Variants in ZBTB8A observed in about 807,000 individuals in gnomAD.
The protein encoded by ZBTB8A is zinc finger and BTB domain containing 8A, also known as zinc finger and BTB domain-containing protein 8A.
In ZBTB8A, 19 loss-of-function variants were observed where a neutral mutation model predicts 37.8. That is an observed-to-expected ratio of 0.50 (90% CI 0.35 to 0.74). The LOEUF (loss-of-function observed/expected upper bound fraction) is 0.74. ZBTB8A is among the 30% of genes least tolerant of loss of function. ZBTB8A has a pLI of 0.01. For synonymous variants in ZBTB8A, 181 were observed against 185.2 expected (o/e 0.98, Z 0.19); for missense variants, 394 against 537.8 (o/e 0.73, Z 2.65).
In ZBTB8A at chr1:32,600,464, G is replaced by T; in HGVS notation, c.*45G>T. 1 of 1,392,770 alleles carries T rather than the reference G, an allele frequency of 7.2e-7. No individual in the cohort carries two copies. The highest frequency in any genetic ancestry group is 1.3e-5 in the South Asian group (1 of 78,232). 86.3% of individuals were successfully genotyped at this position (1,392,770 alleles called of 1,614,324 possible). On this transcript the variant is annotated 3_prime_UTR_variant, in exon 5 of 5. Coordinates refer to ENST00000373510, the MANE Select transcript of ZBTB8A (RefSeq NM_001040441.3). ...AGCTGGCATGTCTGCAATTTACATT[G>T]ACTTCCTGTATCTCTCTCTTTCTAT...
At chr1:32,562,952 C>G (rs1644254600) in intron 2 of ZBTB8A, among the ~76,000 whole-genome samples, 1 of 151,974 alleles carries the variant, frequency 6.6e-6, no homozygotes, top group Non-Finnish European at 1.5e-5. Flanking sequence ...AAATGTAAAT[C>G]ATTTATATTA....
intron 1 of ZBTB8A, among the ~76,000 whole-genome samples, chr1:32,546,329 A>C (rs752995897): frequency 6.6e-5 from 10 of 152,112 alleles, no homozygotes; most frequent in Non-Finnish European, 1.5e-4. Flanking sequence ...CTGTAATCCC[A>C]GCTACTCAGG....
intron 1 of ZBTB8A, among the ~76,000 whole-genome samples, chr1:32,548,137 TAAAAAAAAAAAAAA>T (rs770998213): frequency 1.5e-5 from 1 of 65,760 alleles, no homozygotes; most frequent in Non-Finnish European, 2.9e-5. Flanking sequence ...CGTCTCAAAT[TAAAAAAAAAAAAAA>T]AAAAAAAAAA....
intron 2 of ZBTB8A, among the ~76,000 whole-genome samples, chr1:32,590,661 G>C (rs1481152639): frequency 1.3e-5 from 2 of 152,090 alleles, no homozygotes; most frequent in African/African-American, 4.8e-5. Context: ...TTCGTGGCAG[G>C]AAAGTTTTCA....
intron 1 of ZBTB8A, among the ~76,000 whole-genome samples, chr1:32,551,917 T>C (rs2148217451): frequency 6.6e-6 from 1 of 152,070 alleles, no homozygotes; most frequent in East Asian, 1.9e-4. Context: ...TTTCAAGATA[T>C]GTTGAATTTT....
intron 2 of ZBTB8A, among the ~76,000 whole-genome samples, chr1:32,569,477 T>C (rs1337826537): frequency 7.0e-6 from 1 of 143,086 alleles, no homozygotes; most frequent in African/African-American, 2.6e-5. Context: ...CACTGCCAGC[T>C]CTGCCTCCCG....
intron 2 of ZBTB8A, among the ~76,000 whole-genome samples, chr1:32,575,043 G>A (rs1259648594): frequency 6.6e-6 from 1 of 152,124 alleles, no homozygotes; most frequent in South Asian, 2.1e-4. Context: ...TCAAAGTGCT[G>A]GGATTACAGG....
At chr1:32,596,095 C>T (rs1352396989) in intron 4 of ZBTB8A, among the ~76,000 whole-genome samples, 10 of 151,886 alleles carry the variant, frequency 6.6e-5, no homozygotes, top group African/African-American at 1.9e-4. Context: ...GTTGGCTGGG[C>T]GCGGTGGCTC....
In ZBTB8A at chr1:32,604,624, T is replaced by G. The variant is rs1198355614; in HGVS notation, c.*4205T>G. ...AAATGTTTCAATATTATATTTTCAG[T>G]AATGCAATCAAAATAAGCATAGTTA... is the stretch of plus-strand genomic sequence containing the variant. On this transcript the variant is annotated 3_prime_UTR_variant, in exon 5 of 5. Transcript: ENST00000373510. 6.6e-6 allele frequency: 1 copy of G among 152,182 alleles called. No homozygotes were observed. The highest frequency in any genetic ancestry group is 1.5e-5 in the Non-Finnish European group (1 of 68,032). The allele number at this position is 152,182 out of a possible 1,614,324, so 9.4% of individuals were successfully genotyped here.
In ZBTB8A at chr1:32,590,733, T is replaced by C. The variant is rs543195115; in HGVS notation, c.-1-2198T>C. 3.9e-5 allele frequency among the ~76,000 whole-genome samples: 6 copies of C among 152,250 alleles called. No individual in the cohort carries two copies. In the South Asian group the frequency reaches 1.2e-3, roughly 32 times the overall value. Reference sequence around the variant, plus strand: ...CTACCTGGCTAATTCCTGCTCACCTTTGAGGTCTCAGTTTAAATGTTACTT... The same window carrying C: ...CTACCTGGCTAATTCCTGCTCACCTCTGAGGTCTCAGTTTAAATGTTACTT... On this transcript the variant is annotated intron_variant, in intron 2 of 4. Coordinates refer to ENST00000373510, the MANE Select transcript of ZBTB8A (RefSeq NM_001040441.3).
intron 2 of ZBTB8A, among the ~76,000 whole-genome samples, chr1:32,571,550 T>C (rs1644322626): frequency 6.6e-6 from 1 of 152,100 alleles, no homozygotes; most frequent in South Asian, 2.1e-4. Context: ...CTTGGTATTA[T>C]CCTTTCTTAT....
intron 2 of ZBTB8A, among the ~76,000 whole-genome samples, chr1:32,563,280 C>A (rs916478781): frequency 3.3e-5 from 5 of 152,040 alleles, no homozygotes; most frequent in African/African-American, 1.2e-4. Flanking sequence ...CCCTGTAATC[C>A]CAGCAGTTTG....
chr1:32,571,535 C>A (rs1454701371), intron 2 of ZBTB8A, among the ~76,000 whole-genome samples: 2 of 151,880 alleles, frequency 1.3e-5, no homozygotes, highest in Admixed American at 1.3e-4. Flanking sequence ...CAGCGATAAA[C>A]CTCACTTGGT....
intron 2 of ZBTB8A, among the ~76,000 whole-genome samples, chr1:32,590,492 G>C (rs573891075): frequency 6.6e-6 from 1 of 152,158 alleles, no homozygotes. Flanking sequence ...TCAGAGTTTG[G>C]TACTGGTAAG....
chr1:32,546,902 T>TTTTTTG (rs1355006527), intron 1 of ZBTB8A, among the ~76,000 whole-genome samples: 1 of 152,068 alleles, frequency 6.6e-6, no homozygotes, highest in Non-Finnish European at 1.5e-5. Flanking sequence ...CTGGGGGAAG[T>TTTTTTG]TTTTTGTTTT....
chr1:32,562,668 G>A (rs1434249789), intron 2 of ZBTB8A, among the ~76,000 whole-genome samples: 1 of 143,262 alleles, frequency 7.0e-6, no homozygotes, highest in Non-Finnish European at 1.5e-5. Context: ...TCTCCACCTC[G>A]CTGATTCAAG....
chr1:32,565,392 G>A (rs980987937), intron 2 of ZBTB8A, among the ~76,000 whole-genome samples: 3 of 152,180 alleles, frequency 2.0e-5, no homozygotes, highest in African/African-American at 7.2e-5. Flanking sequence ...GGTCATGCCT[G>A]CCCATAATCC....
rs543536897 is a variant in ZBTB8A, at chr1:32,585,960, G to A, written c.-1-6971G>A. 5.3e-5 allele frequency among the ~76,000 whole-genome samples: 8 copies of A among 151,758 alleles called. No homozygotes were observed. In the South Asian group the frequency reaches 1.5e-3, roughly 28 times the overall value. On this transcript the variant is annotated intron_variant, in intron 2 of 4. Transcript: ENST00000373510. ...GGAGGTTGCGGTGAGCCAAGATCGCGCCATTGCACTCCAGCCTGGGCAACA... is the reference window on the plus strand; with the variant it reads ...GGAGGTTGCGGTGAGCCAAGATCGCACCATTGCACTCCAGCCTGGGCAACA...
intron 4 of ZBTB8A, among the ~76,000 whole-genome samples, chr1:32,598,151 G>A (rs973290969): frequency 6.6e-6 from 1 of 150,952 alleles, no homozygotes; most frequent in African/African-American, 2.4e-5. Flanking sequence ...TTACACACAG[G>A]ATAATAACTG....
Sources: gnomAD v4.1 joint callset for allele counts (sites outside exome capture counted in the v4.1 genomes callset) on GRCh38, gnomAD v4.1.1 for gene constraint, MANE v1.5 for transcripts, NCBI Gene and HGNC (gene_info 2026-07-23, HGNC 2026-07-21) for gene names.